Variants in OSBPL10 observed in about 807,000 individuals in gnomAD.
OSBPL10 encodes the protein oxysterol binding protein like 10.
In OSBPL10, 49 loss-of-function variants were observed where a neutral mutation model predicts 81.7. That is an observed-to-expected ratio of 0.60 (90% confidence interval 0.48 to 0.76). The LOEUF (loss-of-function observed/expected upper bound fraction) is 0.76, where lower values mean the gene tolerates loss of function less well. Among genes scored for constraint, OSBPL10 ranks in the 30% least tolerant of loss-of-function variants. The probability of loss-of-function intolerance (pLI) is 0.00; values close to 1 mark genes in which losing one functional copy is unlikely to be tolerated. For missense variants in OSBPL10, 923 were observed against 987.8 expected, an observed-to-expected ratio of 0.93 and a Z score of 0.88; for synonymous variants, 419 against 383.6, an observed-to-expected ratio of 1.09 and a Z score of -1.08.
chr3:31,844,668 T>C (rs1470099138), intron 3 of OSBPL10, among the ~76,000 whole-genome samples: 1 of 152,210 alleles, frequency 6.6e-6, no homozygotes, highest in Non-Finnish European at 1.5e-5. Context: ...TAACTGCAAA[T>C]GGGCACAGGG....
At position 31,876,428 on chromosome 3, in the gene OSBPL10, C is replaced by T. The variant is rs776434795; in HGVS notation, c.537+5G>A. 6.2e-7 allele frequency: 1 copy of T among 1,606,398 alleles called. No homozygotes were observed. Among genetic ancestry groups the T allele is most frequent in the Non-Finnish European group, 8.5e-7 (1 of 1,172,900 alleles). On this transcript the variant is annotated splice_donor_5th_base_variant and intron_variant, in intron 3 of 11. Transcript: ENST00000396556. Reference sequence around the variant, plus strand: ...ATGCCTCCTTCCTTTCTCACGGTGACTTACCTTAGAATTCATTTCCATGTG... The same window carrying T: ...ATGCCTCCTTCCTTTCTCACGGTGATTTACCTTAGAATTCATTTCCATGTG...
In OSBPL10 at chr3:31,989,087, GT is replaced by G. The variant is rs373566244; in HGVS notation, n.298+57403del. On this transcript the variant is annotated intron_variant and non_coding_transcript_variant, in intron 2 of 3. Coordinates refer to the OSBPL10 transcript ENST00000479173. ...ATTGATTTCTAAAGACTCATGTTAC[GT>G]GAGGAAGCAGCTCAGAAGAGGAAAG... The G allele has an allele frequency of 4.4e-4, 705 of 1,614,136 alleles. 4 individuals are homozygous for G. The East Asian group carries it at 0.012, about 27-fold the overall frequency.
rs1265207865 is a variant in OSBPL10 at position 31,789,954 on chromosome 3, ATTC to A, written c.729+40083_729+40085del. On this transcript the variant is annotated intron_variant, in intron 4 of 11. Transcript: ENST00000396556. Reference sequence around the variant, plus strand: ...CACTACAATCATGACACACATTTTTATTCTTTTTTTTTTGCTTAATATATTACA... The same window carrying A: ...CACTACAATCATGACACACATTTTTATTTTTTTTTTGCTTAATATATTACA... Among the ~76,000 whole-genome samples the A allele has an allele frequency of 5.2e-5, 7 of 134,308 alleles. No homozygotes were observed. The East Asian group carries it at 8.1e-4, about 16-fold the overall frequency. 88.1% of individuals were successfully genotyped at this position (134,308 alleles called of 152,430 possible). A position where few individuals can be genotyped will look rare whatever the true frequency, so the allele number is the denominator to read the frequency against.
chr3:31,683,590 C>A (rs555515136), intron 8 of OSBPL10, 44 bp downstream of exon 8: 1 of 1,579,098 alleles, frequency 6.3e-7, no homozygotes. Flanking sequence ...GGTATAGAAA[C>A]GTCACTGTGT....
chr3:31,916,468 T>C (rs1205958340), intron 1 of OSBPL10, among the ~76,000 whole-genome samples: 1 of 152,174 alleles, frequency 6.6e-6, no homozygotes, highest in East Asian at 1.9e-4. Context: ...AGCATTATGA[T>C]GCCTTTGTTC....
intron 4 of OSBPL10, among the ~76,000 whole-genome samples, chr3:31,773,704 G>A (rs900248028): frequency 6.6e-6 from 1 of 152,204 alleles, no homozygotes; most frequent in Non-Finnish European, 1.5e-5. Context: ...GAATACTCAT[G>A]AGTGTGGCTG....
chr3:32,018,473 A>G (rs576122371), intron 2 of OSBPL10, among the ~76,000 whole-genome samples: 1 of 152,344 alleles, frequency 6.6e-6, no homozygotes, highest in African/African-American at 2.4e-5. Flanking sequence ...TAGATGAGAA[A>G]CCAGAGCATA....
chr3:31,750,027 C>G (rs1215326660), intron 4 of OSBPL10, among the ~76,000 whole-genome samples: 1 of 151,572 alleles, frequency 6.6e-6, no homozygotes, highest in African/African-American at 2.4e-5. Flanking sequence ...CTAAAAAACA[C>G]AAAAATAAGC....
chr3:31,850,380 A>G (rs917932692), intron 3 of OSBPL10, among the ~76,000 whole-genome samples: 3 of 152,128 alleles, frequency 2.0e-5, no homozygotes, highest in Admixed American at 1.3e-4. Flanking sequence ...TAAGTGAAAA[A>G]TACAAACAAA....
chr3:31,864,375 G>A (rs1393367335), intron 3 of OSBPL10, among the ~76,000 whole-genome samples: 4 of 151,982 alleles, frequency 2.6e-5, no homozygotes, highest in African/African-American at 9.7e-5. Context: ...CTGAGTAGCT[G>A]GTATGACAGA....
At chr3:31,748,183 C>G in intron 4 of OSBPL10, 63 bp from the exon 5 acceptor site, 1 of 1,454,366 alleles carries the variant, frequency 6.9e-7, no homozygotes, top group Non-Finnish European at 9.4e-7. Context: ...GCTGGGGAGG[C>G]GGCAGATAAA....
chr3:31,832,382 T>C (rs1700267008), intron 3 of OSBPL10, among the ~76,000 whole-genome samples: 1 of 152,220 alleles, frequency 6.6e-6, no homozygotes, highest in South Asian at 2.1e-4. Flanking sequence ...TGAAAACATT[T>C]TAATTTTGCA....
At chr3:31,757,288 CTGG>C (rs536262557) in intron 4 of OSBPL10, among the ~76,000 whole-genome samples, 145 of 152,134 alleles carry the variant, frequency 9.5e-4, no homozygotes, top group African/African-American at 3.4e-3. Context: ...TCCGGTATGA[CTGG>C]TGTTCTTATA....
chr3:31,716,516 G>A lies in OSBPL10; in HGVS notation c.1096-14008C>T, dbSNP rs74786566. On this transcript the variant is annotated intron_variant, in intron 6 of 11. Transcript: ENST00000396556. ...GAGAAGGTCTGCTCTAATGATCCCC[G>A]GCCATGGGGGCTATGAGGAACAGCA... Among the ~76,000 whole-genome samples the A allele has an allele frequency of 1.5e-3, 226 of 152,264 alleles. 1 individual carries two copies. Among genetic ancestry groups the A allele is most frequent in the African/African-American group, 5.2e-3 (216 of 41,562 alleles).
rs1424314578 is a variant in OSBPL10 at position 31,879,675 on chromosome 3, C to G, written c.437G>C (p.Gly146Ala). 1 of 1,613,612 alleles carries G rather than the reference C, an allele frequency of 6.2e-7. No individual in the cohort carries two copies. The highest frequency in any genetic ancestry group is 8.5e-7 in the Non-Finnish European group (1 of 1,179,854). Residue 146 changes from glycine (G) to alanine (A), a missense_variant, in exon 2 of 12, where the codon GGA (glycine) becomes GCA (alanine). Gly to Ala is a moderately conservative substitution (Grantham distance 60). Around this residue, in one of 3 missense-constraint regions of OSBPL10, gnomAD observed 514 missense variants for 508.0 expected, o/e 1.01. Coordinates refer to ENST00000396556, the MANE Select transcript of OSBPL10 (RefSeq NM_017784.5). ...CGCACCTCTCAGTTTAAACATCTCTCCATTAGCAGAGTACACCACCAGCAT... is the reference window on the plus strand; with the variant it reads ...CGCACCTCTCAGTTTAAACATCTCTGCATTAGCAGAGTACACCACCAGCAT... Reference protein sequence around the residue: ...PHMLVVYSANGEMFKLRAADA... With the variant: ...PHMLVVYSANAEMFKLRAADA...
At position 31,868,213 on chromosome 3, in the gene OSBPL10, T is replaced by A. The variant is rs141759033; in HGVS notation, c.537+8220A>T. 3.7e-4 allele frequency among the ~76,000 whole-genome samples: 57 copies of A among 152,320 alleles called. No homozygotes were observed. The East Asian group carries it at 0.01, about 27-fold the overall frequency. ...GTCTGGGGTGACCTTTTGAAATACT[T>A]TTCTATCTTCTGAATGTTTTATATG... On this transcript the variant is annotated intron_variant, in intron 3 of 11. Coordinates refer to ENST00000396556, the MANE Select transcript of OSBPL10 (RefSeq NM_017784.5).
intron 4 of OSBPL10, among the ~76,000 whole-genome samples, chr3:31,748,491 G>A (rs1241582334): frequency 1.3e-5 from 2 of 152,252 alleles, no homozygotes; most frequent in Non-Finnish European, 2.9e-5. Flanking sequence ...GGCGCACTGT[G>A]TGGCTTTCCC....
At chr3:31,842,087 A>G (rs1700512094) in intron 3 of OSBPL10, among the ~76,000 whole-genome samples, 1 of 152,244 alleles carries the variant, frequency 6.6e-6, no homozygotes, top group Non-Finnish European at 1.5e-5. Context: ...GAGATGATGC[A>G]GAAACTCGAG....
intron 1 of OSBPL10, among the ~76,000 whole-genome samples, chr3:31,924,406 C>A (rs919469790): frequency 6.6e-6 from 1 of 152,062 alleles, no homozygotes; most frequent in Non-Finnish European, 1.5e-5. Context: ...CAGCACCTTC[C>A]TTGTGAGGTA....
Sources: allele counts gnomAD v4.1 joint callset (sites outside exome capture counted in the v4.1 genomes callset), GRCh38; gene constraint gnomAD v4.1.1; regional missense constraint gnomAD v4.1.1; transcripts MANE v1.5; gene names NCBI Gene and HGNC (gene_info 2026-07-23, HGNC 2026-07-21).